Variants in PRKCG observed in about 807,000 individuals in gnomAD.
The protein encoded by PRKCG is protein kinase C gamma type.
PRKCG carries 28 observed loss-of-function variants against 82.0 expected under a neutral mutation model. That is an observed-to-expected ratio of 0.34 (90% confidence interval 0.25 to 0.47). The LOEUF is 0.47. Among genes scored for constraint, PRKCG ranks in the 20% least tolerant of loss-of-function variants. The probability of loss-of-function intolerance (pLI) is 1.00; values close to 1 mark genes in which losing one functional copy is unlikely to be tolerated. For missense variants in PRKCG, 640 were observed against 952.7 expected (o/e 0.67, Z 4.32); for synonymous variants, 383 against 376.6 (o/e 1.02, Z -0.20).
At position 53,907,130 on chromosome 19, in the gene PRKCG, T is replaced by G; in HGVS notation, c.*235T>G. ...CTTGAGCGGAGCCCGATATTCTCCC[T>G]GACCTTAGCGTTCTGGACTCTGCCC... On this transcript the variant is annotated 3_prime_UTR_variant, in exon 18 of 18. Transcript: ENST00000263431. The G allele has an allele frequency of 1.0e-6, 1 of 954,918 alleles. No individual in the cohort carries two copies. Among genetic ancestry groups the G allele is most frequent in the Non-Finnish European group, 1.5e-6 (1 of 657,442 alleles). The allele number at this position is 954,918 out of a possible 1,614,324, so 59.2% of individuals were successfully genotyped here.
rs2068682353 is a variant in PRKCG, at chr19:53,892,341, C to A, written c.687-168C>A. ...TCTAGGTTTACTTCAGGCCCCAAAG[C>A]CCTAGCTGGAGAGAGAGCCCGGCTG... On this transcript the variant is annotated intron_variant, in intron 6 of 17. Coordinates refer to ENST00000263431, the MANE Select transcript of PRKCG (RefSeq NM_002739.5). The surrounding 1 kb of genome is among the most constrained non-coding windows in gnomAD (Gnocchi z 5.9). Among the ~76,000 whole-genome samples the A allele has an allele frequency of 6.6e-6, 1 of 152,152 alleles. No homozygotes were observed. Among genetic ancestry groups the A allele is most frequent in the Non-Finnish European group, 1.5e-5 (1 of 68,020 alleles).
At chr19:53,895,415 G>A (rs1369452992) in intron 9 of PRKCG, among the ~76,000 whole-genome samples, 2 of 148,704 alleles carry the variant, frequency 1.3e-5, no homozygotes, top group African/African-American at 5.0e-5. Context: ...TGGATTCCGG[G>A]AAGTAGAGGC....
intron 5 of PRKCG, 90 bp downstream of exon 5, chr19:53,890,107 C>A (rs922113788): frequency 7.3e-7 from 1 of 1,375,738 alleles, no homozygotes; most frequent in African/African-American, 1.4e-5. Context: ...CAGCCCTACC[C>A]CAAAGATGGG....
At chr19:53,897,937 T>C in intron 9 of PRKCG, 22 bp from the exon 10 acceptor site, 2 of 1,613,532 alleles carry the variant, frequency 1.2e-6, no homozygotes, top group African/African-American at 1.3e-5. Context: ...TGCCTCTGGC[T>C]CTTTCTTTCT....
At position 53,892,733 on chromosome 19, in the gene PRKCG, C is replaced by A; in HGVS notation, c.821+90C>A. ...TCTCTCCTCCAGGCCACTGTCCTTC[C>A]CTCTGCCTCCCAGCATGCGCACACA... On this transcript the variant is annotated intron_variant, in intron 7 of 17. Coordinates refer to ENST00000263431, the MANE Select transcript of PRKCG (RefSeq NM_002739.5). This position sits in a 1 kb window ranked among gnomAD's most constrained non-coding sequence, Gnocchi z 5.9. 1 of 1,480,398 alleles carries A rather than the reference C, an allele frequency of 6.8e-7. No individual in the cohort carries two copies. The highest frequency in any genetic ancestry group is 9.1e-7 in the Non-Finnish European group (1 of 1,100,282). 91.7% of individuals were successfully genotyped at this position (1,480,398 alleles called of 1,614,324 possible).
In PRKCG at chr19:53,892,042, C is replaced by A. The variant is rs2068680374; in HGVS notation, c.686+212C>A. On this transcript the variant is annotated intron_variant, in intron 6 of 17. Transcript: ENST00000263431. This position sits in a 1 kb window ranked among gnomAD's most constrained non-coding sequence, Gnocchi z 5.9. ...ACAGCCAGACCACTGTATAATTAGT[C>A]TCCATTGAAGCCCCCAACTTTAGAG... Among the ~76,000 whole-genome samples the A allele has an allele frequency of 6.6e-6, 1 of 152,098 alleles. No homozygotes were observed. The highest frequency in any genetic ancestry group is 6.6e-5 in the Admixed American group (1 of 15,256).
chr19:53,895,089 A>C (rs1310831788), intron 9 of PRKCG, among the ~76,000 whole-genome samples: 2 of 152,210 alleles, frequency 1.3e-5, no homozygotes, highest in East Asian at 1.9e-4. Context: ...TTTGTGTGCC[A>C]GGCGTGGCTC....
At position 53,883,017 on chromosome 19, in the gene PRKCG, G is replaced by A; in HGVS notation, c.171-146G>A. On this transcript the variant is annotated intron_variant, in intron 1 of 17. Transcript: ENST00000263431. This position sits in a 1 kb window ranked among gnomAD's most constrained non-coding sequence, Gnocchi z 5.4. ...AGAAGGGCTGGGGGCCAAAATTTCT[G>A]GGTTCTAGAAAGAGGAGGTGGCCGG... 1 of 1,052,114 alleles carries A rather than the reference G, an allele frequency of 9.5e-7. No homozygotes were observed. Among genetic ancestry groups the A allele is most frequent in the Non-Finnish European group, 1.5e-6 (1 of 687,036 alleles). The allele number at this position is 1,052,114 out of a possible 1,614,324, so 65.2% of individuals were successfully genotyped here.
chr19:53,898,663 C>T (rs748779088), intron 11 of PRKCG, 35 bp downstream of exon 11: 3 of 1,545,824 alleles, frequency 1.9e-6, no homozygotes, highest in Non-Finnish European at 2.6e-6. Context: ...GTCCTCCGGG[C>T]CCTGCCTTAT....
At chr19:53,905,413 T>C (rs2068794957) in intron 16 of PRKCG, among the ~76,000 whole-genome samples, 1 of 149,518 alleles carries the variant, frequency 6.7e-6, no homozygotes, top group East Asian at 2.0e-4. Flanking sequence ...CCTCCTCTCC[T>C]GCTGGCTTTC....
intron 11 of PRKCG, 80 bp downstream of exon 11, chr19:53,898,708 T>G (rs1049145593): frequency 2.3e-5 from 29 of 1,278,922 alleles, no homozygotes; most frequent in Middle Eastern, 3.1e-4. Context: ...ATTCTGAGTT[T>G]AGGGCGAGGC....
chr19:53,883,235 G>A lies in PRKCG; in HGVS notation c.202+41G>A. The A allele has an allele frequency of 6.2e-7, 1 of 1,612,872 alleles. No individual in the cohort carries two copies. The highest frequency in any genetic ancestry group is 2.2e-5 in the East Asian group (1 of 44,828). ...CGGGGCTCCTGGGACCCTCAGGAGG[G>A]TGGAGGCTGGGGCCCCACAGCTGAG... On this transcript the variant is annotated intron_variant, in intron 2 of 17. Coordinates refer to ENST00000263431, the MANE Select transcript of PRKCG (RefSeq NM_002739.5). This position sits in a 1 kb window ranked among gnomAD's most constrained non-coding sequence, Gnocchi z 5.4.
rs767072515 is a variant in PRKCG at position 53,882,462 on chromosome 19, C to A, written c.-33C>A. On this transcript the variant is annotated 5_prime_UTR_variant, in exon 1 of 18. Transcript: ENST00000263431. This position sits in a 1 kb window ranked among gnomAD's most constrained non-coding sequence, Gnocchi z 6.1. ...TTCCACCTGTTTCCCCCAAGAAAGG[C>A]AGGATCCTGGTCCCTGCTACGTTTC... The A allele has an allele frequency of 4.4e-6, 7 of 1,598,130 alleles. No individual in the cohort carries two copies. Among genetic ancestry groups the A allele is most frequent in the South Asian group, 1.1e-5 (1 of 89,758 alleles).
intron 10 of PRKCG, 86 bp from the exon 11 acceptor site, chr19:53,898,354 G>A (rs1469152959): frequency 1.3e-6 from 2 of 1,543,550 alleles, no homozygotes; most frequent in Non-Finnish European, 1.8e-6. Flanking sequence ...CTGGGATCCC[G>A]TTTCCCTGCG....
intron 9 of PRKCG, among the ~76,000 whole-genome samples, chr19:53,895,921 G>A (rs950857510): frequency 2.0e-5 from 3 of 152,030 alleles, no homozygotes; most frequent in Non-Finnish European, 2.9e-5. Flanking sequence ...TTAGCTGGGC[G>A]TGGTGGTGGG....
rs529474219 is a variant in PRKCG, at chr19:53,906,181, C to T, written c.1765-136C>T. 4 of 1,107,644 alleles carry T rather than the reference C, an allele frequency of 3.6e-6. No homozygotes were observed. In the South Asian group the frequency reaches 5.3e-5, roughly 15 times the overall value. The allele number at this position is 1,107,644 out of a possible 1,614,324, so 68.6% of individuals were successfully genotyped here. On this transcript the variant is annotated intron_variant, in intron 16 of 17. Transcript: ENST00000263431. Reference sequence around the variant, plus strand: ...CCCTCCATTTGCCTGTTTCCCCTGGCTGTTCTTATCTCTCCGGATCTCATG... The same window carrying T: ...CCCTCCATTTGCCTGTTTCCCCTGGTTGTTCTTATCTCTCCGGATCTCATG...
chr19:53,893,793 G>C (rs185048342), intron 9 of PRKCG, among the ~76,000 whole-genome samples: 2 of 145,344 alleles, frequency 1.4e-5, no homozygotes, highest in Non-Finnish European at 3.0e-5. Context: ...TATTTCTGTC[G>C]CCCAGGCTGG....
chr19:53,906,025 C>T (rs1321647468), intron 16 of PRKCG, among the ~76,000 whole-genome samples: 5 of 79,588 alleles, frequency 6.3e-5, no homozygotes, highest in Non-Finnish European at 1.2e-4. Flanking sequence ...CTGTCTGTCT[C>T]CCTCCTCCTC....
chr19:53,892,430 C>A lies in PRKCG; in HGVS notation c.687-79C>A. The A allele has an allele frequency of 6.4e-7, 1 of 1,557,420 alleles. No homozygotes were observed. The highest frequency in any genetic ancestry group is 8.6e-7 in the Non-Finnish European group (1 of 1,156,980). ...AGCCCCAGCTGGCTGGGTTTGCCCCCACCTCCAGCACCAAGGATGGGGAAC... is the reference window on the plus strand; with the variant it reads ...AGCCCCAGCTGGCTGGGTTTGCCCCAACCTCCAGCACCAAGGATGGGGAAC... On this transcript the variant is annotated intron_variant, in intron 6 of 17. Coordinates refer to ENST00000263431, the MANE Select transcript of PRKCG (RefSeq NM_002739.5). This position sits in a 1 kb window ranked among gnomAD's most constrained non-coding sequence, Gnocchi z 5.9.
Sources: gnomAD v4.1 joint callset for allele counts (sites outside exome capture counted in the v4.1 genomes callset) on GRCh38, gnomAD v4.1.1 for gene constraint, Gnocchi (gnomAD v3.1) non-coding constraint, MANE v1.5 for transcripts, NCBI Gene and HGNC (gene_info 2026-07-23, HGNC 2026-07-21) for gene names.